The following RYR3 variants were observed in gnomAD, a reference collection of about 807,000 sequenced individuals.
The protein encoded by RYR3 is brain ryanodine receptor-calcium release channel.
RYR3 carries 207 observed loss-of-function variants against 584.3 expected under a neutral mutation model. That is an observed-to-expected ratio of 0.35 (90% CI 0.32 to 0.40). The LOEUF (loss-of-function observed/expected upper bound fraction) is 0.40. Among genes scored for constraint, RYR3 ranks in the 10% least tolerant of loss-of-function variants. The pLI is 1.00. For missense variants in RYR3, 5,616 were observed against 6,089.2 expected (o/e 0.92, Z 2.59); for synonymous variants, 2,416 against 2,248.5 (o/e 1.07, Z -2.11).
chr15:33,379,687 C>CTATATATATATATATATATATA (rs1555448829), intron 1 of RYR3, among the ~76,000 whole-genome samples: 8 of 125,496 alleles, frequency 6.4e-5, no homozygotes, highest in African/African-American at 1.4e-4. Context: ...CTCTCTCTCT[C>CTATATATATATATATATATATA]TATATATATA....
chr15:33,431,182 A>G (rs1004309006), intron 1 of RYR3, among the ~76,000 whole-genome samples: 5 of 152,238 alleles, frequency 3.3e-5, no homozygotes, highest in Non-Finnish European at 7.3e-5. Flanking sequence ...AACTAGCAGG[A>G]GGTAAGCATA....
chr15:33,743,396 T>C (rs1327290079), intron 52 of RYR3, among the ~76,000 whole-genome samples: 2 of 152,186 alleles, frequency 1.3e-5, no homozygotes, highest in Non-Finnish European at 1.5e-5. Context: ...ACCATCTCCA[T>C]TGCAACAACT....
chr15:33,649,709 A>G (rs1323443874), intron 31 of RYR3, among the ~76,000 whole-genome samples: 2 of 152,360 alleles, frequency 1.3e-5, no homozygotes, highest in Non-Finnish European at 2.9e-5. Flanking sequence ...TTGAAACTTC[A>G]TGAATAATAA....
At position 33,540,808 on chromosome 15, in the gene RYR3, T is replaced by C; in HGVS notation, c.564T>C (p.Asn188=). 6.2e-7 allele frequency: 1 copy of C among 1,609,468 alleles called. No homozygotes were observed. The highest frequency in any genetic ancestry group is 8.5e-7 in the Non-Finnish European group (1 of 1,175,930). The change falls in exon 7 of 104, where the codon AAT becomes AAC. Residue 188 remains asparagine, a synonymous_variant. Coordinates refer to ENST00000634891, the MANE Select transcript of RYR3 (RefSeq NM_001036.6). ...TGCTGCAGCATCTCTCAGTATCAAA[T>C]GGTAACATACAAGTGGATGCCTCCT... The part of the protein sequence containing the change: ...SERYLHLSVS[N]GNIQVDASFM...
rs200901254 is a variant in RYR3, at chr15:33,631,301, A to ATT, written c.2867+17_2867+18dup. The ATT allele has an allele frequency of 5.2e-5, 72 of 1,376,950 alleles. No homozygotes were observed. The highest frequency in any genetic ancestry group is 7.0e-5 in the South Asian group (5 of 71,754). The allele number at this position is 1,376,950 out of a possible 1,614,324, so 85.3% of individuals were successfully genotyped here. On this transcript the variant is annotated intron_variant, in intron 23 of 103. Coordinates refer to ENST00000634891, the MANE Select transcript of RYR3 (RefSeq NM_001036.6). Reference sequence around the variant, plus strand: ...GGTCAAACTGCCCAAAAAGTAGGTGATTTTTTTTTTAATGGTTCAAGACTT... The same window carrying ATT: ...GGTCAAACTGCCCAAAAAGTAGGTGATTTTTTTTTTTTAATGGTTCAAGACTT...
intron 1 of RYR3, among the ~76,000 whole-genome samples, chr15:33,427,941 A>G (rs1312553180): frequency 5.9e-5 from 9 of 152,216 alleles, no homozygotes; most frequent in Non-Finnish European, 1.0e-4. Context: ...GGGAACTACT[A>G]TCTTGCTGAA....
In RYR3 at chr15:33,696,377, G is replaced by A. The variant is rs775541245; in HGVS notation, c.6020G>A (p.Ser2007Asn). The A allele has an allele frequency of 3.1e-6, 5 of 1,613,930 alleles. No homozygotes were observed. Among genetic ancestry groups the A allele is most frequent in the Admixed American group, 3.3e-5 (2 of 60,024 alleles). The stretch of plus-strand genomic sequence containing the variant: ...GCGCTGCGGAAGACCTACACCATCA[G>A]CCACACCTCTGTAAGCGACACCATC... ...LQALRKTYTI[S>N]HTSVSDTINL... Residue 2007 changes from serine to asparagine, a missense_variant, in exon 39 of 104, where the codon AGC (serine) becomes AAC (asparagine). By Grantham distance (46) the Ser-to-Asn change is conservative (BLOSUM62 1). Coordinates refer to ENST00000634891, the MANE Select transcript of RYR3 (RefSeq NM_001036.6).
At position 33,427,058 on chromosome 15, in the gene RYR3, A is replaced by G. The variant is rs574514863; in HGVS notation, c.52-46361A>G. ...AGACTTCAACTTATGAATTTGGGAG[A>G]AGAGAGAGATGCAAACGTTTAGTTC... is the stretch of plus-strand genomic sequence containing the variant. On this transcript the variant is annotated intron_variant, in intron 1 of 103. Coordinates refer to ENST00000634891, the MANE Select transcript of RYR3 (RefSeq NM_001036.6). Among the ~76,000 whole-genome samples, 14 of 152,256 alleles carry G rather than the reference A, an allele frequency of 9.2e-5. No homozygotes were observed. In the South Asian group the frequency reaches 2.9e-3, roughly 32 times the overall value.
chr15:33,335,231 A>G (rs1042520355), intron 1 of RYR3, among the ~76,000 whole-genome samples: 1 of 152,250 alleles, frequency 6.6e-6, no homozygotes, highest in African/African-American at 2.4e-5. Flanking sequence ...ATGTATGTGT[A>G]TGCTCATTGC....
intron 27 of RYR3, 51 bp from the exon 28 acceptor site, chr15:33,644,260 T>G: frequency 6.7e-7 from 1 of 1,485,808 alleles, no homozygotes; most frequent in Non-Finnish European, 9.2e-7. Flanking sequence ...CCTCGGAGTT[T>G]CCTGGGATGG....
rs757705315 is a variant in RYR3 at position 33,540,864 on chromosome 15, C to T, written c.620C>T (p.Thr207Met). 2.0e-5 allele frequency: 32 copies of T among 1,611,332 alleles called. No individual in the cohort carries two copies. The highest frequency in any genetic ancestry group is 2.0e-4 in the South Asian group (18 of 91,014). Reference sequence around the variant, plus strand: ...CAAACACTCTGGAATGTACATCCTACGTGCTCAGGAAGTAGCATCGAAGAA... The same window carrying T: ...CAAACACTCTGGAATGTACATCCTATGTGCTCAGGAAGTAGCATCGAAGAA... ...FMQTLWNVHPTCSGSSIEEGY... is the reference protein window; with the variant it reads ...FMQTLWNVHPMCSGSSIEEGY... Residue 207 changes from threonine (T) to methionine (M), a missense_variant, in exon 7 of 104, where the codon ACG becomes ATG. This residue lies in a region of RYR3 where 1,284 missense variants were observed against 1,344.6 expected (regional missense o/e 0.95). Transcript: ENST00000634891.
intron 38 of RYR3, among the ~76,000 whole-genome samples, chr15:33,671,114 A>T (rs4780146): frequency 0.34 from 51,766 of 152,028 alleles, 10,411 homozygotes; most frequent in Non-Finnish European, 0.46. Context: ...TTATCTCTCT[A>T]ATCCTTATAC....
At chr15:33,502,579 C>T (rs1409136461) in intron 2 of RYR3, among the ~76,000 whole-genome samples, 1 of 152,186 alleles carries the variant, frequency 6.6e-6, no homozygotes, top group East Asian at 1.9e-4. Context: ...ATTGTAAACT[C>T]CAGAAAGGCA....
In RYR3 at chr15:33,391,625, CAAA is replaced by C. The variant is rs5811755; in HGVS notation, c.51+80544_51+80546del. 2.2e-4 allele frequency among the ~76,000 whole-genome samples: 28 copies of C among 128,336 alleles called. 1 individual carries two copies. Among genetic ancestry groups the C allele is most frequent in the South Asian group, 1.3e-3 (5 of 3,906 alleles). The allele number at this position is 128,336 out of a possible 152,430, so 84.2% of individuals were successfully genotyped here. On this transcript the variant is annotated intron_variant, in intron 1 of 103. Transcript: ENST00000634891. ...TGGGCGACAGAGCGAGACTCTGTCTCAAAAAAAAAAAAAAAAATTAAAATTTGA... is the reference window on the plus strand; with the variant it reads ...TGGGCGACAGAGCGAGACTCTGTCTCAAAAAAAAAAAAAATTAAAATTTGA...
Position 33,345,352 on chromosome 15 carries a change from A to G in RYR3, c.51+34256A>G, listed in dbSNP as rs569777006. 2.6e-5 allele frequency among the ~76,000 whole-genome samples: 4 copies of G among 152,168 alleles called. No individual in the cohort carries two copies. The South Asian group carries it at 8.3e-4, about 32-fold the overall frequency. On this transcript the variant is annotated intron_variant, in intron 1 of 103. Coordinates refer to ENST00000634891, the MANE Select transcript of RYR3 (RefSeq NM_001036.6). ...TTTATAATTTTCAGCAGCTACTATT[A>G]TTATTATTATTTTGAAACAGGTTCT...
At chr15:33,359,647 C>T (rs1201914808) in intron 1 of RYR3, among the ~76,000 whole-genome samples, 1 of 150,276 alleles carries the variant, frequency 6.7e-6, no homozygotes, top group African/African-American at 2.4e-5. Context: ...CAGACGGAGT[C>T]GCACTCTGTC....
intron 57 of RYR3, among the ~76,000 whole-genome samples, chr15:33,753,726 C>T (rs1449376434): frequency 6.6e-6 from 1 of 152,146 alleles, no homozygotes; most frequent in Non-Finnish European, 1.5e-5. Context: ...GCCGTGTTGT[C>T]GAACAGGAAA....
At chr15:33,677,335 T>C (rs934456534) in intron 38 of RYR3, among the ~76,000 whole-genome samples, 5 of 152,184 alleles carry the variant, frequency 3.3e-5, no homozygotes, top group African/African-American at 4.8e-5. Context: ...TCGATGACTT[T>C]CCCAGCTGAG....
chr15:33,727,584 C>T (rs2068572726), intron 46 of RYR3, among the ~76,000 whole-genome samples: 1 of 152,192 alleles, frequency 6.6e-6, no homozygotes, highest in South Asian at 2.1e-4. Context: ...ACCAGGCACG[C>T]ATGAGAGAGG....
Sources: allele counts gnomAD v4.1 joint callset (sites outside exome capture counted in the v4.1 genomes callset), GRCh38; gene constraint gnomAD v4.1.1; regional missense constraint gnomAD v4.1.1; transcripts MANE v1.5; gene names NCBI Gene and HGNC (gene_info 2026-07-23, HGNC 2026-07-21).